PLEKHA5: variants seen among roughly 807,000 people sequenced by gnomAD.
PLEKHA5 encodes the protein pleckstrin homology domain containing A5, also known as pleckstrin homology domain-containing family A member 5.
PLEKHA5 carries 55 observed loss-of-function variants against 181.9 expected under a neutral mutation model. That is an observed-to-expected ratio of 0.30 (90% CI 0.24 to 0.38). The LOEUF (loss-of-function observed/expected upper bound fraction) is 0.38, where lower values mean the gene tolerates loss of function less well. Ranked by LOEUF, PLEKHA5 falls within the 10% of genes least tolerant of loss-of-function variation. The pLI, the probability that PLEKHA5 is intolerant of heterozygous loss-of-function variation, is 1.00. For synonymous variants in PLEKHA5, 535 were observed against 529.4 expected (o/e 1.01, Z -0.15); for missense variants, 1,432 against 1,549.5 (o/e 0.92, Z 1.27).
rs115210582 is a variant in PLEKHA5 at position 19,332,429 on chromosome 12, T to C, written c.2449-4086T>C. Among the ~76,000 whole-genome samples, 1,104 of 152,354 alleles carry C rather than the reference T, an allele frequency of 7.2e-3. 14 individuals are homozygous for C. The highest frequency in any genetic ancestry group is 0.025 in the African/African-American group (1,048 of 41,584). On this transcript the variant is annotated intron_variant, in intron 20 of 31. Transcript: ENST00000429027. ...ATTTTACTAGCATACCAGAAGCTCC[T>C]CTCCCAAAAGGAACACTGCCAGACT...
intron 3 of PLEKHA5, among the ~76,000 whole-genome samples, chr12:19,253,064 C>CTTTT (rs35536570): frequency 0.026 from 1,197 of 45,850 alleles, 349 homozygotes; most frequent in Non-Finnish European, 0.045. Context: ...ATCAACTTAC[C>CTTTT]TTTTTTTTTT....
intron 15 of PLEKHA5, chr12:19,306,410 A>G: frequency 1.8e-6 from 1 of 551,460 alleles, no homozygotes; most frequent in Non-Finnish European, 3.5e-6. Context: ...GGGGTAGAGA[A>G]AAGGTGGCGA....
intron 3 of PLEKHA5, among the ~76,000 whole-genome samples, chr12:19,184,523 G>A (rs1456583831): frequency 6.6e-6 from 1 of 152,206 alleles, no homozygotes; most frequent in East Asian, 1.9e-4. Context: ...AATGGGATAA[G>A]TACTGTGCCG....
At chr12:19,342,361 G>A (rs907306233) in intron 21 of PLEKHA5, among the ~76,000 whole-genome samples, 2 of 151,948 alleles carry the variant, frequency 1.3e-5, no homozygotes, top group African/African-American at 2.4e-5. Context: ...TGGAATTTTA[G>A]AAGTAAGAAA....
rs145153389 is a variant in PLEKHA5 at position 19,233,396 on chromosome 12, C to T, written c.228-20544C>T. On this transcript the variant is annotated intron_variant, in intron 3 of 31. Transcript: ENST00000429027. ...AGTCAACTGATGAAACATTTGCATG[C>T]ATCATGTCGTACAGCACTGTTAGGT... 1.2e-3 allele frequency among the ~76,000 whole-genome samples: 187 copies of T among 152,228 alleles called. 1 individual carries two copies. Among genetic ancestry groups the T allele is most frequent in the African/African-American group, 4.3e-3 (177 of 41,558 alleles).
In PLEKHA5 at chr12:19,130,514, G is replaced by T. The variant is rs1447812544; in HGVS notation, c.169+384G>T. The stretch of plus-strand genomic sequence containing the variant: ...CCCGGTGACCCCCAGCTGCCGTCTT[G>T]CCCCCCAGCAATCTTCAGGCAGTCC... On this transcript the variant is annotated intron_variant, in intron 2 of 31. Transcript: ENST00000429027. This position sits in a 1 kb window ranked among gnomAD's most constrained non-coding sequence, Gnocchi z 4.5. 6.6e-6 allele frequency among the ~76,000 whole-genome samples: 1 copy of T among 151,200 alleles called. No homozygotes were observed. Among genetic ancestry groups the T allele is most frequent in the African/African-American group, 2.4e-5 (1 of 41,078 alleles).
chr12:19,373,899 A>G (rs145403063), intron 31 of PLEKHA5, among the ~76,000 whole-genome samples: 68 of 151,934 alleles, frequency 4.5e-4, no homozygotes, highest in African/African-American at 1.5e-3. Context: ...AAACTCAAGT[A>G]TATTTCCAGG....
intron 3 of PLEKHA5, among the ~76,000 whole-genome samples, chr12:19,216,846 C>G (rs2058065688): frequency 6.6e-6 from 1 of 152,104 alleles, no homozygotes; most frequent in Non-Finnish European, 1.5e-5. Context: ...TACTGATTGT[C>G]TGCCTGCTAC....
intron 3 of PLEKHA5, among the ~76,000 whole-genome samples, chr12:19,142,039 T>C (rs879480802): frequency 1.3e-5 from 2 of 152,128 alleles, no homozygotes; most frequent in African/African-American, 4.8e-5. Flanking sequence ...ATTCCAACTT[T>C]CGCTAAAGTG....
At chr12:19,139,113 A>G (rs2036554064) in intron 3 of PLEKHA5, among the ~76,000 whole-genome samples, 1 of 148,140 alleles carries the variant, frequency 6.8e-6, no homozygotes. Flanking sequence ...AGGAAAGGCC[A>G]TTGATCAAAG....
At chr12:19,273,548 C>T (rs1206320670) in intron 10 of PLEKHA5, among the ~76,000 whole-genome samples, 1 of 152,068 alleles carries the variant, frequency 6.6e-6, no homozygotes, top group African/African-American at 2.4e-5. Flanking sequence ...TTGGCTGGCT[C>T]CTGAGAGGCC....
intron 3 of PLEKHA5, among the ~76,000 whole-genome samples, chr12:19,245,398 C>A (rs149049849): frequency 6.6e-6 from 1 of 152,176 alleles, no homozygotes; most frequent in East Asian, 1.9e-4. Context: ...CCATAGTAGT[C>A]CCACTTATTT....
chr12:19,347,730 C>T (rs2094407547), intron 24 of PLEKHA5, among the ~76,000 whole-genome samples: 1 of 152,092 alleles, frequency 6.6e-6, no homozygotes, highest in East Asian at 1.9e-4. Context: ...TTGAGAACAA[C>T]AAAATGTCTG....
chr12:19,316,431 G>C lies in PLEKHA5; in HGVS notation c.2118+1537G>C, dbSNP rs115151190. ...GAGATCTGAAATGGGAAGGGCTGAG[G>C]GGGGGGAAAGTGAAGATGTCTGAGA... On this transcript the variant is annotated intron_variant, in intron 16 of 31. Coordinates refer to ENST00000429027, the MANE Select transcript of PLEKHA5 (RefSeq NM_001256470.2). Among the ~76,000 whole-genome samples, 447 of 149,604 alleles carry C rather than the reference G, an allele frequency of 3.0e-3. 2 individuals carry two copies. Among genetic ancestry groups the C allele is most frequent in the African/African-American group, 0.011 (425 of 40,260 alleles).
At position 19,322,367 on chromosome 12, in the gene PLEKHA5, C is replaced by T. The variant is rs142102602; in HGVS notation, c.2275C>T (p.Leu759Phe). The change falls in exon 19 of 32, where the codon CTT becomes TTT. Residue 759 changes from leucine (L) to phenylalanine (F), a missense_variant. Around this residue, in one of 2 missense-constraint regions of PLEKHA5, gnomAD observed 1,143 missense variants for 1,168.4 expected, o/e 0.98. Transcript: ENST00000429027. ...AGTGGTGCATGCTCTGGAAGAGAAA[C>T]TTCAGCAACTCCACAAGGAGAAAGT... is the stretch of plus-strand genomic sequence containing the variant. The part of the protein sequence containing the change: ...DKVVHALEEK[L>F]QQLHKEKYTL... The T allele has an allele frequency of 6.2e-7, 1 of 1,612,654 alleles. No individual in the cohort carries two copies. The highest frequency in any genetic ancestry group is 8.5e-7 in the Non-Finnish European group (1 of 1,178,738).
intron 21 of PLEKHA5, among the ~76,000 whole-genome samples, chr12:19,342,379 G>A (rs758025982): frequency 1.9e-4 from 29 of 152,008 alleles, no homozygotes; most frequent in African/African-American, 5.8e-4. Context: ...AAAATTGGCC[G>A]GGCGCGGTGG....
At chr12:19,356,243 AGT>A (rs2094921897) in intron 26 of PLEKHA5, among the ~76,000 whole-genome samples, 2 of 152,090 alleles carry the variant, frequency 1.3e-5, no homozygotes, top group East Asian at 3.9e-4. Flanking sequence ...GGCCAGGCAT[AGT>A]AGCTCATACC....
chr12:19,200,223 A>G, intron 3 of PLEKHA5: 1 of 779,432 alleles, frequency 1.3e-6, no homozygotes, highest in Non-Finnish European at 2.0e-6. Context: ...CCATGCAGCA[A>G]CAAAAGTATC....
rs1241415983 is a variant in PLEKHA5 at position 19,334,818 on chromosome 12, C to CAA, written c.2449-1686_2449-1685dup. ...GCAACATGGCAAAATCCTGTCTTCA[C>CAA]AAAAAAAAAAAATATATATATATAT... On this transcript the variant is annotated intron_variant, in intron 20 of 31. Transcript: ENST00000429027. Among the ~76,000 whole-genome samples the CAA allele has an allele frequency of 6.0e-3, 36 of 5,982 alleles. 4 individuals carry two copies. Among genetic ancestry groups the CAA allele is most frequent in the African/African-American group, 9.5e-3 (30 of 3,168 alleles). 3.9% of individuals were successfully genotyped at this position (5,982 alleles called of 152,430 possible).
Sources: allele counts gnomAD v4.1 joint callset (sites outside exome capture counted in the v4.1 genomes callset), GRCh38; gene constraint gnomAD v4.1.1; regional missense constraint gnomAD v4.1.1; non-coding constraint Gnocchi (gnomAD v3.1); transcripts MANE v1.5; gene names NCBI Gene and HGNC (gene_info 2026-07-23, HGNC 2026-07-21).